The following NKAIN2 variants were observed in gnomAD, a reference collection of about 807,000 sequenced individuals.
NKAIN2 encodes sodium/potassium transporting ATPase interacting 2, also known as sodium/potassium-transporting ATPase subunit beta-1-interacting protein 2.
Under a neutral mutation model 32.6 loss-of-function variants are expected in NKAIN2, and 14 were observed. That is an observed-to-expected ratio of 0.43 (90% CI 0.28 to 0.67). NKAIN2 has a LOEUF of 0.67. Among genes scored for constraint, NKAIN2 ranks in the 30% least tolerant of loss-of-function variants. NKAIN2 has a pLI of 0.17. For synonymous variants in NKAIN2, 80 were observed against 87.2 expected (o/e 0.92, Z 0.46); for missense variants, 198 against 258.3 (o/e 0.77, Z 1.60).
chr6:124,571,033 G>T (rs572150906), intron 3 of NKAIN2, among the ~76,000 whole-genome samples: 2 of 152,234 alleles, frequency 1.3e-5, no homozygotes, highest in African/African-American at 4.8e-5. Flanking sequence ...ACATCATTTT[G>T]GAGCTTTAAA....
chr6:124,727,252 T>C (rs1201988791), intron 4 of NKAIN2, among the ~76,000 whole-genome samples: 1 of 151,592 alleles, frequency 6.6e-6, no homozygotes, highest in Non-Finnish European at 1.5e-5. Flanking sequence ...AGACACATAA[T>C]TGTCAGATTC....
intron 4 of NKAIN2, among the ~76,000 whole-genome samples, chr6:124,734,459 C>T (rs1354770722): frequency 1.5e-5 from 2 of 133,672 alleles, no homozygotes; most frequent in Non-Finnish European, 3.3e-5. Context: ...TTAAATGGTC[C>T]CTTACTACCT....
intron 1 of NKAIN2, among the ~76,000 whole-genome samples, chr6:123,879,603 A>G (rs1773353708): frequency 6.6e-6 from 1 of 152,178 alleles, no homozygotes; most frequent in South Asian, 2.1e-4. Flanking sequence ...GTTCACAACT[A>G]GGACACAAGC....
intron 1 of NKAIN2, among the ~76,000 whole-genome samples, chr6:123,995,511 A>AATTCT (rs1779582093): frequency 6.6e-6 from 1 of 152,144 alleles, no homozygotes; most frequent in African/African-American, 2.4e-5. Context: ...AAAAAGAGTA[A>AATTCT]ATTCTCTTTC....
intron 4 of NKAIN2, among the ~76,000 whole-genome samples, chr6:124,751,004 C>T (rs1276808178): frequency 6.6e-6 from 1 of 152,032 alleles, no homozygotes; most frequent in Non-Finnish European, 1.5e-5. Context: ...AATGATCACA[C>T]AGGAAAGTTT....
At chr6:124,420,825 T>C (rs1774712931) in intron 3 of NKAIN2, among the ~76,000 whole-genome samples, 1 of 152,118 alleles carries the variant, frequency 6.6e-6, no homozygotes, top group Admixed American at 6.6e-5. Context: ...CCATAAGATA[T>C]AATTATTTTT....
chr6:123,908,493 C>T (rs1407590320), intron 1 of NKAIN2, among the ~76,000 whole-genome samples: 1 of 152,144 alleles, frequency 6.6e-6, no homozygotes, highest in Non-Finnish European at 1.5e-5. Flanking sequence ...CTCTTTAATA[C>T]ACATGTTCAA....
chr6:124,508,679 G>C (rs531807808), intron 3 of NKAIN2, among the ~76,000 whole-genome samples: 1 of 152,234 alleles, frequency 6.6e-6, no homozygotes, highest in African/African-American at 2.4e-5. Context: ...CTGTAACAAA[G>C]TACCACAAGC....
At chr6:124,395,806 T>C (rs9401744) in intron 3 of NKAIN2, among the ~76,000 whole-genome samples, 78,935 of 151,906 alleles carry the variant, frequency 0.52, 21,017 homozygotes, top group African/African-American at 0.64. Flanking sequence ...GAAATTGCTT[T>C]ATAGGAAAAT....
intron 3 of NKAIN2, among the ~76,000 whole-genome samples, chr6:124,558,341 A>C (rs1254044628): frequency 6.6e-6 from 1 of 152,212 alleles, no homozygotes; most frequent in Non-Finnish European, 1.5e-5. Flanking sequence ...AATGTGAGCC[A>C]AGGCTTGTGG....
chr6:123,841,827 T>C (rs573877143), intron 1 of NKAIN2, among the ~76,000 whole-genome samples: 12 of 152,204 alleles, frequency 7.9e-5, no homozygotes, highest in Non-Finnish European at 1.8e-4. Context: ...CCATCATCAT[T>C]AAGACTGTGG....
intron 3 of NKAIN2, among the ~76,000 whole-genome samples, chr6:124,504,229 G>C (rs1832252): frequency 0.45 from 69,014 of 151,828 alleles, 15,893 homozygotes; most frequent in South Asian, 0.55. Context: ...CCATTACTGT[G>C]ATTCCTTCAT....
intron 3 of NKAIN2, among the ~76,000 whole-genome samples, chr6:124,560,512 G>C (rs924879488): frequency 2.0e-5 from 3 of 152,188 alleles, no homozygotes; most frequent in African/African-American, 2.4e-5. Flanking sequence ...GCCATTCTGG[G>C]TTTGAATCTT....
chr6:124,419,930 G>A (rs553548748), intron 3 of NKAIN2, among the ~76,000 whole-genome samples: 1 of 151,636 alleles, frequency 6.6e-6, no homozygotes, highest in African/African-American at 2.4e-5. Flanking sequence ...TGTCTTGTCA[G>A]CAAGATTTCT....
intron 1 of NKAIN2, among the ~76,000 whole-genome samples, chr6:123,827,876 C>CCTCT (rs5879702): frequency 3.7e-4 from 56 of 149,888 alleles, no homozygotes; most frequent in African/African-American, 1.4e-3. Flanking sequence ...GATAGCAGTT[C>CCTCT]CTCTCTCTCT....
intron 3 of NKAIN2, among the ~76,000 whole-genome samples, chr6:124,370,272 T>G (rs1799698531): frequency 6.6e-6 from 1 of 151,712 alleles, no homozygotes; most frequent in African/African-American, 2.4e-5. Flanking sequence ...TTCGAAATAT[T>G]TAAGTTTCAG....
At chr6:124,395,750 G>C (rs2114434489) in intron 3 of NKAIN2, among the ~76,000 whole-genome samples, 1 of 152,090 alleles carries the variant, frequency 6.6e-6, no homozygotes, top group Admixed American at 6.6e-5. Context: ...TAAATAGAAT[G>C]GCAATGGATA....
chr6:124,696,020 G>A (rs1362790923), intron 4 of NKAIN2, among the ~76,000 whole-genome samples: 1 of 152,148 alleles, frequency 6.6e-6, no homozygotes, highest in Non-Finnish European at 1.5e-5. Context: ...ATAATGGTGG[G>A]ATCTAATGGC....
Position 124,791,278 on chromosome 6 carries a change from C to G in NKAIN2, c.475-61C>G, listed in dbSNP as rs1779730352. On this transcript the variant is annotated intron_variant, in intron 4 of 6. Transcript: ENST00000368417. ...CTGCCTGACTTTGAAAAGCCACTCT[C>G]CAGTGAGGTCTGGTGTTGGTGCCTT... 4.7e-6 allele frequency: 6 copies of G among 1,285,610 alleles called. No homozygotes were observed. In the South Asian group the frequency reaches 6.1e-5, roughly 13 times the overall value. 79.6% of individuals were successfully genotyped at this position (1,285,610 alleles called of 1,614,324 possible).
Sources: gnomAD v4.1 joint callset for allele counts (sites outside exome capture counted in the v4.1 genomes callset) on GRCh38, gnomAD v4.1.1 for gene constraint, MANE v1.5 for transcripts, NCBI Gene and HGNC (gene_info 2026-07-23, HGNC 2026-07-21) for gene names.